B3GALNT1: variants seen among roughly 807,000 people sequenced by gnomAD.
B3GALNT1 encodes the protein UDP-GalNAc:beta-1,3-N-acetylgalactosaminyltransferase 1.
B3GALNT1 carries 17 observed loss-of-function variants against 27.3 expected under a neutral mutation model. That is an observed-to-expected ratio of 0.62 (90% CI 0.43 to 0.94). The LOEUF is 0.94. B3GALNT1 is among the 40% of genes least tolerant of loss of function. The probability of loss-of-function intolerance (pLI) is 0.00; values close to 1 mark genes in which losing one functional copy is unlikely to be tolerated. For synonymous variants in B3GALNT1, 141 were observed against 144.0 expected (o/e 0.98, Z 0.15); for missense variants, 347 against 390.0 (o/e 0.89, Z 0.93).
intron 4 of B3GALNT1, among the ~76,000 whole-genome samples, chr3:161,093,756 T>C (rs1013784447): frequency 3.3e-5 from 5 of 152,118 alleles, no homozygotes; most frequent in African/African-American, 1.2e-4. Context: ...CCCAGGACTT[T>C]AGGAGGCTAA....
At position 161,086,656 on chromosome 3, in the gene B3GALNT1, C is replaced by A. The variant is rs1172251847; in HGVS notation, c.99G>T (p.Met33Ile). The A allele has an allele frequency of 2.5e-6, 4 of 1,614,044 alleles. No individual in the cohort carries two copies. The African/African-American group carries it at 4.0e-5, about 16-fold the overall frequency. Residue 33 changes from methionine to isoleucine, a missense_variant, in exon 5 of 5, where the codon ATG (methionine) becomes ATT (isoleucine). Met to Ile is a conservative substitution (Grantham distance 10, BLOSUM62 1). Coordinates refer to ENST00000320474, the MANE Select transcript of B3GALNT1 (RefSeq NM_003781.4). ...LLLSLLSFFV[M>I]WYLSLPHYNV... is the part of the protein sequence containing the mutation. ...TGTAGTGGGGAAGGCTGAGGTACCA[C>A]ATCACAAAGAAACTCAGGAGTGACA...
At chr3:161,098,287 A>G (rs1729292590) in intron 4 of B3GALNT1, among the ~76,000 whole-genome samples, 1 of 152,206 alleles carries the variant, frequency 6.6e-6, no homozygotes, top group African/African-American at 2.4e-5. Context: ...CACCACCCCA[A>G]GTGGAGTCTG....
intron 4 of B3GALNT1, among the ~76,000 whole-genome samples, chr3:161,096,904 G>T (rs920628080): frequency 2.0e-5 from 3 of 152,198 alleles, no homozygotes; most frequent in African/African-American, 7.2e-5. Flanking sequence ...GTTTCAGAGG[G>T]TGGCAGGGCT....
At chr3:161,094,317 C>G (rs1219301075) in intron 4 of B3GALNT1, among the ~76,000 whole-genome samples, 1 of 152,166 alleles carries the variant, frequency 6.6e-6, no homozygotes, top group Non-Finnish European at 1.5e-5. Flanking sequence ...CCCTTAAAAC[C>G]TGAAATACAA....
At chr3:161,100,589 G>A (rs1730717941) in intron 4 of B3GALNT1, among the ~76,000 whole-genome samples, 1 of 152,124 alleles carries the variant, frequency 6.6e-6, no homozygotes, top group South Asian at 2.1e-4. Flanking sequence ...CTACTTTCTT[G>A]TAGGCAAAAC....
intron 4 of B3GALNT1, among the ~76,000 whole-genome samples, chr3:161,098,258 C>G (rs959878819): frequency 6.6e-6 from 1 of 152,190 alleles, no homozygotes; most frequent in Admixed American, 6.5e-5. Flanking sequence ...CAAAGCAGCA[C>G]TAAAAACTCA....
intron 4 of B3GALNT1, among the ~76,000 whole-genome samples, chr3:161,091,363 C>G (rs754993352): frequency 2.0e-5 from 3 of 152,164 alleles, no homozygotes; most frequent in Non-Finnish European, 2.9e-5. Context: ...CCCATAGTTT[C>G]AGTTATCCAC....
In B3GALNT1 at chr3:161,101,515, C is replaced by A. The variant is rs188702873; in HGVS notation, c.-129-282G>T. On this transcript the variant is annotated intron_variant, in intron 3 of 4. Coordinates refer to ENST00000320474, the MANE Select transcript of B3GALNT1 (RefSeq NM_003781.4). ...TCTGGACCTGTGTTAGAGGTTGGGGCAGCAGTGGGGAAGCAGACAGACAAG... is the reference window on the plus strand; with the variant it reads ...TCTGGACCTGTGTTAGAGGTTGGGGAAGCAGTGGGGAAGCAGACAGACAAG... 1.6e-3 allele frequency among the ~76,000 whole-genome samples: 251 copies of A among 152,230 alleles called. 1 individual carries two copies. The highest frequency in any genetic ancestry group is 4.1e-3 in the Admixed American group (63 of 15,284).
intron 4 of B3GALNT1, among the ~76,000 whole-genome samples, chr3:161,092,530 G>A (rs1725716949): frequency 6.6e-6 from 1 of 152,000 alleles, no homozygotes; most frequent in Non-Finnish European, 1.5e-5. Flanking sequence ...AAAAAACACT[G>A]GTCATAAATA....
intron 4 of B3GALNT1, among the ~76,000 whole-genome samples, chr3:161,088,485 A>AT: frequency 6.6e-6 from 1 of 152,216 alleles, no homozygotes; most frequent in Non-Finnish European, 1.5e-5. Flanking sequence ...CATTTGTAAA[A>AT]GGATAAAATA....
chr3:161,086,978 C>A (rs899859170), intron 4 of B3GALNT1, among the ~76,000 whole-genome samples, 190 bp from the exon 5 acceptor site: 3 of 152,140 alleles, frequency 2.0e-5, no homozygotes, highest in African/African-American at 7.2e-5. Context: ...TCTATTTTAG[C>A]TTCTTACATC....
intron 4 of B3GALNT1, among the ~76,000 whole-genome samples, chr3:161,096,401 T>C (rs554088796): frequency 6.6e-6 from 1 of 152,368 alleles, no homozygotes; most frequent in South Asian, 2.1e-4. Context: ...CTAACTATTA[T>C]AGATAATTAC....
intron 4 of B3GALNT1, among the ~76,000 whole-genome samples, chr3:161,094,457 A>G (rs746981086): frequency 2.6e-5 from 4 of 152,226 alleles, no homozygotes; most frequent in Non-Finnish European, 5.9e-5. Context: ...TTCCAGGAAA[A>G]CAGACAAACA....
rs373047378 is a variant in B3GALNT1 at position 161,086,053 on chromosome 3, G to A, written c.702C>T (p.Phe234=). ...ISYQEYPFKV[F]PPYCSGLGYI... ...AACCCAACCCACTGCAGTATGGAGG[G>A]AACACCTTGAAAGGATACTCCTGGT... Residue 234 remains phenylalanine (F), a synonymous_variant, in exon 5 of 5, where the codon TTC becomes TTT. Transcript: ENST00000320474. 4 of 1,592,088 alleles carry A rather than the reference G, an allele frequency of 2.5e-6. No homozygotes were observed. The highest frequency in any genetic ancestry group is 2.7e-5 in the African/African-American group (2 of 73,892).
At chr3:161,090,237 TATA>T (rs1724321911) in intron 4 of B3GALNT1, among the ~76,000 whole-genome samples, 1 of 152,044 alleles carries the variant, frequency 6.6e-6, no homozygotes, top group Non-Finnish European at 1.5e-5. Context: ...AGTATCAAAA[TATA>T]TAAAGCAAAA....
In B3GALNT1 at chr3:161,086,172, A is replaced by G. The variant is rs756889813; in HGVS notation, c.583T>C (p.Leu195=). The G allele has an allele frequency of 1.6e-5, 26 of 1,614,012 alleles. No individual in the cohort carries two copies. In the Middle Eastern group the frequency reaches 4.9e-4, roughly 31 times the overall value. Residue 195 remains leucine (L), a synonymous_variant, in exon 5 of 5, where the codon TTA becomes CTA. Coordinates refer to ENST00000320474, the MANE Select transcript of B3GALNT1 (RefSeq NM_003781.4). ...INTGNLVKYL[L]NLNHSEKFFT... ...AACTTCTCTGAGTGGTTTAGGTTTA[A>G]AAGATACTTCACTAAATTGCCAGTA...
intron 4 of B3GALNT1, among the ~76,000 whole-genome samples, chr3:161,088,291 C>A (rs1255019505): frequency 6.6e-6 from 1 of 152,192 alleles, no homozygotes; most frequent in African/African-American, 2.4e-5. Flanking sequence ...TTAACCCACA[C>A]AACGCAATGT....
At chr3:161,090,835 C>A (rs748951238) in intron 4 of B3GALNT1, among the ~76,000 whole-genome samples, 26 of 152,106 alleles carry the variant, frequency 1.7e-4, no homozygotes, top group Non-Finnish European at 3.8e-4. Flanking sequence ...GCTACTATAC[C>A]AATCTCTTAC....
At chr3:161,103,951 T>C (rs539865470) in intron 2 of B3GALNT1, 12 of 191,720 alleles carry the variant, frequency 6.3e-5, no homozygotes, top group Non-Finnish European at 1.1e-4. Context: ...GATCTCGAAC[T>C]CCCGACCTGA....
Sources: gnomAD v4.1 joint callset for allele counts (sites outside exome capture counted in the v4.1 genomes callset) on GRCh38, gnomAD v4.1.1 for gene constraint, MANE v1.5 for transcripts, NCBI Gene and HGNC (gene_info 2026-07-23, HGNC 2026-07-21) for gene names.